The following SH3BGR variants were observed in gnomAD, a reference collection of about 807,000 sequenced individuals.
SH3BGR encodes SH3 domain-binding glutamic acid-rich protein.
A neutral mutation model predicts 24.5 loss-of-function variants in SH3BGR; 29 were observed. The observed-to-expected ratio is 1.18, with a 90% CI of 0.88 to 1.61. The LOEUF (loss-of-function observed/expected upper bound fraction) is 1.61. Among genes scored for constraint, SH3BGR ranks in the 40% most tolerant of loss-of-function variants. SH3BGR has a pLI of 0.00. For synonymous variants in SH3BGR, 55 were observed against 65.7 expected (o/e 0.84, Z 0.79); for missense variants, 162 against 205.8 (o/e 0.79, Z 1.30).
intron 6 of SH3BGR, among the ~76,000 whole-genome samples, chr21:39,514,854 A>G (rs1178476645): frequency 2.6e-5 from 4 of 152,196 alleles, no homozygotes; most frequent in Non-Finnish European, 5.9e-5. Flanking sequence ...ATAATTGGAG[A>G]TGTTGTCTTC....
intron 4 of SH3BGR, among the ~76,000 whole-genome samples, chr21:39,503,993 G>C (rs1297024111): frequency 6.6e-6 from 1 of 152,206 alleles, no homozygotes; most frequent in Non-Finnish European, 1.5e-5. Context: ...AGTCAGCTCA[G>C]CTTCTGGGCA....
Position 39,508,982 on chromosome 21 carries a change from G to T in SH3BGR, c.406-16G>T, listed in dbSNP as rs372721346. ...GAATTATGTTTTTTTCTTTAATTTT[G>T]ATTTATGGATGTAAGGAAGAAGAAG... On this transcript the variant is annotated splice_polypyrimidine_tract_variant and intron_variant, in intron 4 of 6. Transcript: ENST00000333634. 3.6e-5 allele frequency: 57 copies of T among 1,594,932 alleles called. No homozygotes were observed. The highest frequency in any genetic ancestry group is 3.4e-5 in the Non-Finnish European group (40 of 1,169,014).
intron 3 of SH3BGR, among the ~76,000 whole-genome samples, chr21:39,495,774 G>A (rs1331839231): frequency 6.6e-6 from 1 of 152,106 alleles, no homozygotes; most frequent in Admixed American, 6.5e-5. Context: ...AAGCCATCAT[G>A]CTCCTTCTGA....
At chr21:39,514,489 G>A (rs1234730545) in intron 6 of SH3BGR, among the ~76,000 whole-genome samples, 1 of 152,076 alleles carries the variant, frequency 6.6e-6, no homozygotes, top group Non-Finnish European at 1.5e-5. Context: ...AGCTTCTTGA[G>A]TCGCTGGGAT....
At chr21:39,503,010 G>C (rs552967063) in intron 4 of SH3BGR, among the ~76,000 whole-genome samples, 1 of 145,398 alleles carries the variant, frequency 6.9e-6, no homozygotes, top group Non-Finnish European at 1.5e-5. Flanking sequence ...CTCAGGGACC[G>C]CCTAGCTTTA....
chr21:39,500,409 A>C (rs1160131946), intron 4 of SH3BGR, among the ~76,000 whole-genome samples: 2 of 152,144 alleles, frequency 1.3e-5, no homozygotes, highest in Non-Finnish European at 2.9e-5. Flanking sequence ...AATCAGGGAA[A>C]TAGCAGATCT....
upstream of SH3BGR, among the ~76,000 whole-genome samples, chr21:39,448,772 G>A (rs1325850882): frequency 6.6e-6 from 1 of 152,208 alleles, no homozygotes; most frequent in Non-Finnish European, 1.5e-5. Context: ...CTGCTATTAA[G>A]TAAGCAGAAA....
At chr21:39,489,071 A>C (rs982340826) in intron 3 of SH3BGR, among the ~76,000 whole-genome samples, 2 of 152,172 alleles carry the variant, frequency 1.3e-5, no homozygotes, top group African/African-American at 4.8e-5. Flanking sequence ...ATCAAACATA[A>C]AATAAAACAC....
intron 1 of SH3BGR, among the ~76,000 whole-genome samples, chr21:39,456,687 C>T (rs1371765342): frequency 6.6e-6 from 1 of 152,220 alleles, no homozygotes; most frequent in Non-Finnish European, 1.5e-5. Context: ...CACGCACCTC[C>T]TCCTTTGGTT....
intron 2 of SH3BGR, among the ~76,000 whole-genome samples, chr21:39,473,439 T>A (rs1289476875): frequency 6.6e-6 from 1 of 152,238 alleles, no homozygotes; most frequent in African/African-American, 2.4e-5. Flanking sequence ...GAATTTCTGA[T>A]ACCAAAGTTC....
At chr21:39,475,728 G>T (rs1168003510) in intron 3 of SH3BGR, among the ~76,000 whole-genome samples, 1 of 152,118 alleles carries the variant, frequency 6.6e-6, no homozygotes, top group Non-Finnish European at 1.5e-5. Flanking sequence ...TTCCAGTGAC[G>T]TCTCATCTTT....
chr21:39,451,921 T>A, upstream of SH3BGR: 1 of 1,614,090 alleles, frequency 6.2e-7, no homozygotes, highest in South Asian at 1.1e-5. Flanking sequence ...CCTCTGCTGC[T>A]CCTTGGAGAG....
intron 3 of SH3BGR, among the ~76,000 whole-genome samples, chr21:39,479,408 ATGG>A (rs1340409854): frequency 1.7e-5 from 2 of 120,462 alleles, no homozygotes; most frequent in African/African-American, 6.6e-5. Context: ...GATGGTGGTG[ATGG>A]TGGTAGTGGT....
rs1394588239 is a variant in SH3BGR at position 39,511,756 on chromosome 21, G to A, written c.512G>A (p.Gly171Glu). The A allele has an allele frequency of 1.9e-6, 3 of 1,587,310 alleles. No homozygotes were observed. Among genetic ancestry groups the A allele is most frequent in the Non-Finnish European group, 2.6e-6 (3 of 1,161,764 alleles). The change falls in exon 6 of 7, where the codon GGA becomes GAA. Residue 171 changes from glycine to glutamate, a missense_variant. Physicochemically the swap from Gly to Glu is moderately conservative, Grantham distance 98. Transcript: ENST00000333634. The surrounding 1 kb of genome is among the most constrained non-coding windows in gnomAD (Gnocchi z 4.2). ...GAAACTGCAGAAGGAGAAGAGCCTG[G>A]AGAAGACGAAGATTCCTAGGCCTTT... is the stretch of plus-strand genomic sequence containing the variant. ...EEETAEGEEPGEDEDS is the reference protein window; with the variant it reads ...EEETAEGEEPEEDEDS
At chr21:39,488,984 CA>C (rs1230402123) in intron 3 of SH3BGR, among the ~76,000 whole-genome samples, 1 of 152,272 alleles carries the variant, frequency 6.6e-6, no homozygotes, top group South Asian at 2.1e-4. Context: ...AACAAACAAA[CA>C]AAAACTACAA....
intron 5 of SH3BGR, among the ~76,000 whole-genome samples, chr21:39,509,946 CTT>C (rs879853877): frequency 4.9e-5 from 7 of 143,280 alleles, no homozygotes; most frequent in Non-Finnish European, 9.2e-5. Flanking sequence ...CTTTTGTTAA[CTT>C]TTTTTTTTTT....
In SH3BGR at chr21:39,453,957, A is replaced by G. The variant is rs1162615928; in HGVS notation, c.45+1816A>G. Among the ~76,000 whole-genome samples the G allele has an allele frequency of 2.7e-5, 4 of 149,848 alleles. No individual in the cohort carries two copies. In the South Asian group the frequency reaches 8.4e-4, roughly 31 times the overall value. On this transcript the variant is annotated intron_variant, in intron 1 of 6. Transcript: ENST00000333634. Reference sequence around the variant, plus strand: ...AGTTGCTACTATAATTGTTATTATTAGTTAGTTAATGAATATTAATTAGGA... The same window carrying G: ...AGTTGCTACTATAATTGTTATTATTGGTTAGTTAATGAATATTAATTAGGA...
chr21:39,502,985 C>CTT lies in SH3BGR; in HGVS notation c.405+3082_405+3083dup, dbSNP rs146995231. Among the ~76,000 whole-genome samples the CTT allele has an allele frequency of 6.5e-3, 952 of 146,382 alleles. 6 individuals are homozygous for CTT. The highest frequency in any genetic ancestry group is 0.01 in the Non-Finnish European group (668 of 66,562). On this transcript the variant is annotated intron_variant, in intron 4 of 6. Transcript: ENST00000333634. ...ACCTCCGTCTTGCCAATTCCAAGCT[C>CTT]TTTTTTTTTTTTTCCTCAGGGACCG...
chr21:39,452,005 CACTT>C lies in SH3BGR; in HGVS notation c.-91_-88del. On this transcript the variant is annotated 5_prime_UTR_variant, in exon 1 of 7. Coordinates refer to ENST00000333634, the MANE Select transcript of SH3BGR (RefSeq NM_007341.3). ...TGGGCTGCTGCCAGCCCCGACCTGGCACTTGCTTGCCTGTGTCACTGTCAGGATT... is the reference window on the plus strand; with the variant it reads ...TGGGCTGCTGCCAGCCCCGACCTGGCGCTTGCCTGTGTCACTGTCAGGATT... 6.2e-7 allele frequency: 1 copy of C among 1,614,188 alleles called. No homozygotes were observed. The highest frequency in any genetic ancestry group is 8.5e-7 in the Non-Finnish European group (1 of 1,180,038).
Sources: allele counts gnomAD v4.1 joint callset (sites outside exome capture counted in the v4.1 genomes callset), GRCh38; gene constraint gnomAD v4.1.1; non-coding constraint Gnocchi (gnomAD v3.1); transcripts MANE v1.5; gene names NCBI Gene and HGNC (gene_info 2026-07-23, HGNC 2026-07-21).